Variants in SMIM8 observed in about 807,000 individuals in gnomAD.
SMIM8 encodes small integral membrane protein 8, also known as UPF0708 protein C6orf162.
SMIM8 carries 8 observed loss-of-function variants against 8.1 expected under a neutral mutation model. The ratio of observed to expected loss-of-function variants is 0.99; its 90% CI spans 0.58 to 1.78. The LOEUF is 1.78. Among genes scored for constraint, SMIM8 ranks in the 40% most tolerant of loss-of-function variants. The pLI is 0.00. For missense variants in SMIM8, 126 were observed against 119.8 expected (o/e 1.05, Z -0.24); for synonymous variants, 45 against 39.7 (o/e 1.13, Z -0.50).
At chr6:87,339,328 G>T (rs1013720732) in intron 3 of SMIM8, among the ~76,000 whole-genome samples, 6 of 8,030 alleles carry the variant, frequency 7.5e-4, no homozygotes, top group African/African-American at 5.8e-3. Context: ...AACACAGCGT[G>T]TGTGTGTGTG....
chr6:87,335,281 C>T (rs989007087), intron 2 of SMIM8, among the ~76,000 whole-genome samples: 1 of 152,160 alleles, frequency 6.6e-6, no homozygotes, highest in Non-Finnish European at 1.5e-5. Context: ...ATGTCTCAAA[C>T]CAGTTTAATT....
chr6:87,325,303 G>A (rs541724437), intron 1 of SMIM8, among the ~76,000 whole-genome samples: 80 of 145,238 alleles, frequency 5.5e-4, no homozygotes, highest in African/African-American at 1.9e-3. Flanking sequence ...CCAACACTAT[G>A]TTGAATAGGA....
chr6:87,328,217 G>A (rs1196428451), intron 1 of SMIM8, among the ~76,000 whole-genome samples: 3 of 152,146 alleles, frequency 2.0e-5, no homozygotes, highest in Non-Finnish European at 2.9e-5. Flanking sequence ...CCCGTAGCTC[G>A]GAATAATTTG....
chr6:87,324,100 C>T (rs181450954), intron 1 of SMIM8, among the ~76,000 whole-genome samples: 2,177 of 151,702 alleles, frequency 0.014, 24 homozygotes, highest in Non-Finnish European at 0.02. Flanking sequence ...TCATGTCCTT[C>T]GCCCACTTTT....
Position 87,341,496 on chromosome 6 carries a change from T to C in SMIM8, c.*1222T>C, listed in dbSNP as rs1039493306. 2 of 388,668 alleles carry C rather than the reference T, an allele frequency of 5.1e-6. No individual in the cohort carries two copies. Among genetic ancestry groups the C allele is most frequent in the African/African-American group, 2.1e-5 (1 of 48,524 alleles). 24.1% of individuals were successfully genotyped at this position (388,668 alleles called of 1,614,324 possible). Reference sequence around the variant, plus strand: ...TCTGGACCCGTTTCATTTCTAGATATATACCTAATTCTCCAAATCATTGTC... The same window carrying C: ...TCTGGACCCGTTTCATTTCTAGATACATACCTAATTCTCCAAATCATTGTC... On this transcript the variant is annotated 3_prime_UTR_variant, in exon 4 of 4. Transcript: ENST00000392863.
intron 3 of SMIM8, among the ~76,000 whole-genome samples, chr6:87,337,849 A>G (rs1777145980): frequency 6.6e-6 from 1 of 152,150 alleles, no homozygotes; most frequent in African/African-American, 2.4e-5. Flanking sequence ...ACTGGTTTTG[A>G]ACTCCTGGCC....
At chr6:87,329,053 G>C (rs1255298593) in intron 1 of SMIM8, 1 of 152,912 alleles carries the variant, frequency 6.5e-6, no homozygotes, top group Non-Finnish European at 1.5e-5. Flanking sequence ...GACTAGGAGA[G>C]GGAACTCCCT....
chr6:87,334,062 G>A (rs1327563783), intron 2 of SMIM8, among the ~76,000 whole-genome samples: 1 of 152,190 alleles, frequency 6.6e-6, no homozygotes, highest in Non-Finnish European at 1.5e-5. Flanking sequence ...AGGGGAAGAA[G>A]TGTCACACTT....
chr6:87,337,215 G>A (rs747578830), intron 3 of SMIM8, 49 bp downstream of exon 3: 4 of 1,496,676 alleles, frequency 2.7e-6, no homozygotes, highest in Non-Finnish European at 3.6e-6. Flanking sequence ...CAACCAGACT[G>A]TCAGAAAGTT....
chr6:87,328,599 G>A (rs918390291), intron 1 of SMIM8, among the ~76,000 whole-genome samples: 1 of 152,186 alleles, frequency 6.6e-6, no homozygotes, highest in African/African-American at 2.4e-5. Flanking sequence ...TGAGGAGGCA[G>A]TCTGCCTGTT....
intron 3 of SMIM8, among the ~76,000 whole-genome samples, chr6:87,338,039 CAT>C (rs946442092): frequency 2.4e-4 from 37 of 152,254 alleles, no homozygotes; most frequent in Admixed American, 1.4e-3. Flanking sequence ...ATTTTAGTAA[CAT>C]AGTTATCAAT....
At position 87,329,784 on chromosome 6, in the gene SMIM8, A is replaced by T. The variant is rs541670297; in HGVS notation, c.-44-908A>T. On this transcript the variant is annotated intron_variant, in intron 1 of 3. Coordinates refer to ENST00000392863, the MANE Select transcript of SMIM8 (RefSeq NM_001042493.3). ...GGCTGGTAATTGGGAGACCTAGGTG[A>T]TCGCACCCTCCTGGTAAGGACATCT... Among the ~76,000 whole-genome samples, 19 of 152,244 alleles carry T rather than the reference A, an allele frequency of 1.2e-4. 1 individual carries two copies. In the South Asian group the frequency reaches 3.9e-3, roughly 32 times the overall value.
At position 87,340,202 on chromosome 6, in the gene SMIM8, A is replaced by C; in HGVS notation, c.222A>C (p.Lys74Asn). 3 of 1,612,070 alleles carry C rather than the reference A, an allele frequency of 1.9e-6. No individual in the cohort carries two copies. The highest frequency in any genetic ancestry group is 2.5e-6 in the Non-Finnish European group (3 of 1,179,420). Reference protein sequence around the residue: ...IGYLHAIQENKKDLYEAIDSE... With the variant: ...IGYLHAIQENNKDLYEAIDSE... The stretch of plus-strand genomic sequence containing the variant: ...ATCTACATGCAATACAAGAGAATAA[A>C]AAGGACCTCTATGAAGCTATTGATA... Residue 74 changes from lysine to asparagine, a missense_variant, in exon 4 of 4, where the codon AAA becomes AAC. Physicochemically the swap from Lys to Asn is moderately conservative, Grantham distance 94. Transcript: ENST00000392863.
In SMIM8 at chr6:87,342,165, A is replaced by G. The variant is rs919638967; in HGVS notation, c.*1891A>G. Reference sequence around the variant, plus strand: ...AGAATCATACTGAATTTTAGGAACAAGTACCTGACTATGATACTTTTTACA... The same window carrying G: ...AGAATCATACTGAATTTTAGGAACAGGTACCTGACTATGATACTTTTTACA... On this transcript the variant is annotated 3_prime_UTR_variant, in exon 4 of 4. Coordinates refer to ENST00000392863, the MANE Select transcript of SMIM8 (RefSeq NM_001042493.3). 6.6e-6 allele frequency: 1 copy of G among 152,214 alleles called. No homozygotes were observed. The highest frequency in any genetic ancestry group is 1.5e-5 in the Non-Finnish European group (1 of 68,038). The allele number at this position is 152,214 out of a possible 1,614,324, so 9.4% of individuals were successfully genotyped here. A position where few individuals can be genotyped will look rare whatever the true frequency, so the allele number is the denominator to read the frequency against.
Position 87,341,932 on chromosome 6 carries a change from A to G in SMIM8, c.*1658A>G, listed in dbSNP as rs1375761826. 2.0e-5 allele frequency: 3 copies of G among 152,176 alleles called. No homozygotes were observed. The highest frequency in any genetic ancestry group is 6.5e-5 in the Admixed American group (1 of 15,276). 9.4% of individuals were successfully genotyped at this position (152,176 alleles called of 1,614,324 possible). On this transcript the variant is annotated 3_prime_UTR_variant, in exon 4 of 4. Coordinates refer to ENST00000392863, the MANE Select transcript of SMIM8 (RefSeq NM_001042493.3). Reference sequence around the variant, plus strand: ...CTTATGCATTTAATGACACATTGCCATCTTTTAGAATTTTTTACTATTCAA... The same window carrying G: ...CTTATGCATTTAATGACACATTGCCGTCTTTTAGAATTTTTTACTATTCAA...
At chr6:87,329,160 C>T (rs1776928232) in intron 1 of SMIM8, 1 of 156,204 alleles carries the variant, frequency 6.4e-6, no homozygotes, top group African/African-American at 2.4e-5. Flanking sequence ...TCTGGCACTC[C>T]CTAGTGAGAT....
At chr6:87,333,509 C>T (rs1465414975) in intron 2 of SMIM8, among the ~76,000 whole-genome samples, 5 of 152,104 alleles carry the variant, frequency 3.3e-5, no homozygotes, top group Non-Finnish European at 7.3e-5. Flanking sequence ...TTCTAAATAC[C>T]TTTATAAACA....
At chr6:87,331,961 A>T (rs1777004574) in intron 2 of SMIM8, among the ~76,000 whole-genome samples, 1 of 152,162 alleles carries the variant, frequency 6.6e-6, no homozygotes, top group Non-Finnish European at 1.5e-5. Flanking sequence ...GTTTCCAGTC[A>T]AAATATTCTG....
intron 1 of SMIM8, among the ~76,000 whole-genome samples, chr6:87,327,488 G>C (rs1394777028): frequency 6.6e-6 from 1 of 151,340 alleles, no homozygotes; most frequent in African/African-American, 2.4e-5. Context: ...TGTCTGTAAA[G>C]TATTTTATTT....
Sources: gnomAD v4.1 joint callset for allele counts (sites outside exome capture counted in the v4.1 genomes callset) on GRCh38, gnomAD v4.1.1 for gene constraint, MANE v1.5 for transcripts, NCBI Gene and HGNC (gene_info 2026-07-23, HGNC 2026-07-21) for gene names.